TNS3: variants seen among roughly 807,000 people sequenced by gnomAD.
TNS3 encodes tensin-3.
TNS3 carries 45 observed loss-of-function variants against 140.9 expected under a neutral mutation model. That is an observed-to-expected ratio of 0.32 (90% CI 0.25 to 0.41). The LOEUF is 0.41. Ranked by LOEUF, TNS3 falls within the 10% of genes least tolerant of loss-of-function variation. TNS3 has a pLI of 1.00. For synonymous variants in TNS3, 815 were observed against 788.4 expected (o/e 1.03, Z -0.56); for missense variants, 1,716 against 1,906.7 (o/e 0.90, Z 1.86).
chr7:47,571,054 T>A (rs1007763511), intron 1 of TNS3, among the ~76,000 whole-genome samples: 3 of 152,022 alleles, frequency 2.0e-5, no homozygotes, highest in African/African-American at 7.2e-5. Flanking sequence ...GGCCCACAGC[T>A]CCACTCCCTT....
intron 2 of TNS3, among the ~76,000 whole-genome samples, chr7:47,513,438 G>A (rs1236852613): frequency 1.3e-5 from 2 of 152,036 alleles, no homozygotes; most frequent in East Asian, 3.9e-4. Flanking sequence ...CAAAATGCTG[G>A]GATTACAAGC....
chr7:47,393,831 T>G (rs764735380), intron 16 of TNS3, among the ~76,000 whole-genome samples: 2 of 152,128 alleles, frequency 1.3e-5, no homozygotes, highest in Non-Finnish European at 2.9e-5. Flanking sequence ...CTTTCCCGGG[T>G]GTCCTTCCCA....
intron 3 of TNS3, among the ~76,000 whole-genome samples, chr7:47,501,346 C>T (rs1355965241): frequency 6.6e-6 from 1 of 152,198 alleles, no homozygotes; most frequent in Admixed American, 6.5e-5. Flanking sequence ...AAAGCTGACA[C>T]CCCAACCTTA....
At chr7:47,337,009 C>A (rs1400973328) in intron 20 of TNS3, among the ~76,000 whole-genome samples, 1 of 152,094 alleles carries the variant, frequency 6.6e-6, no homozygotes, top group Non-Finnish European at 1.5e-5. Flanking sequence ...TTTCATCCCC[C>A]ACACTTGATA....
In TNS3 at chr7:47,325,140, TC is replaced by T. The variant is rs529441130; in HGVS notation, c.2650+19614del. Among the ~76,000 whole-genome samples, 15 of 152,272 alleles carry T rather than the reference TC, an allele frequency of 9.9e-5. No individual in the cohort carries two copies. In the South Asian group the frequency reaches 1.5e-3, roughly 15 times the overall value. On this transcript the variant is annotated intron_variant, in intron 20 of 30. Transcript: ENST00000311160. Reference sequence around the variant, plus strand: ...CAAAGAGGGGTTCCCAAGACCCACATCTTCCAGAAGCAAGCCTTATCTTTGG... The same window carrying T: ...CAAAGAGGGGTTCCCAAGACCCACATTTCCAGAAGCAAGCCTTATCTTTGG...
At chr7:47,399,972 C>T (rs1209593606) in intron 15 of TNS3, among the ~76,000 whole-genome samples, 1 of 147,682 alleles carries the variant, frequency 6.8e-6, no homozygotes, top group Admixed American at 6.7e-5. Flanking sequence ...CGAACAAATC[C>T]TCAAAAAAAA....
intron 15 of TNS3, among the ~76,000 whole-genome samples, chr7:47,399,986 A>C (rs1174575205): frequency 1.3e-5 from 2 of 152,026 alleles, no homozygotes; most frequent in Admixed American, 6.5e-5. Flanking sequence ...AAAAAAAAAA[A>C]CAAATAATCC....
intron 10 of TNS3, among the ~76,000 whole-genome samples, chr7:47,417,415 G>A (rs1008983033): frequency 7.2e-5 from 11 of 152,340 alleles, no homozygotes; most frequent in South Asian, 2.1e-4. Context: ...GTTTTGCCAC[G>A]AGCTCCCAAA....
At chr7:47,344,889 A>T in intron 19 of TNS3, 35 bp downstream of exon 19, 2 of 1,613,046 alleles carry the variant, frequency 1.2e-6, no homozygotes, top group Non-Finnish European at 1.7e-6. Flanking sequence ...TTGGGCATGG[A>T]GCAGCACATG....
chr7:47,300,329 A>C (rs545579347), intron 23 of TNS3, among the ~76,000 whole-genome samples: 2 of 152,216 alleles, frequency 1.3e-5, no homozygotes, highest in South Asian at 4.1e-4. Context: ...AAAAACCAAC[A>C]CTCGATGCAC....
chr7:47,328,805 G>A (rs997617468), intron 20 of TNS3, among the ~76,000 whole-genome samples: 3 of 152,130 alleles, frequency 2.0e-5, no homozygotes, highest in African/African-American at 4.8e-5. Context: ...GTTTTCTTCC[G>A]GGCCCCAATG....
chr7:47,296,169 G>GAA (rs958533092), intron 24 of TNS3, among the ~76,000 whole-genome samples: 1 of 147,212 alleles, frequency 6.8e-6, no homozygotes, highest in Non-Finnish European at 1.5e-5. Context: ...GGCAGGGGGA[G>GAA]AAAAAAAAAA....
rs547646550 is a variant in TNS3, at chr7:47,506,932, G to A, written c.-140C>T. 78 of 1,288,392 alleles carry A rather than the reference G, an allele frequency of 6.1e-5. No homozygotes were observed. In the African/African-American group the frequency reaches 1.1e-3, roughly 18 times the overall value. 79.8% of individuals were successfully genotyped at this position (1,288,392 alleles called of 1,614,324 possible). ...CTTGGCTTCACATTTCTTGTGGCAG[G>A]AATACTTGCAGGCTGGGAAAAAAAA... On this transcript the variant is annotated 5_prime_UTR_variant, in exon 3 of 31. Transcript: ENST00000311160.
At chr7:47,563,920 G>A (rs1295421268) in intron 1 of TNS3, among the ~76,000 whole-genome samples, 2 of 152,176 alleles carry the variant, frequency 1.3e-5, no homozygotes, top group Admixed American at 6.5e-5. Flanking sequence ...AAGGCCGGGC[G>A]CGGTGGCTCA....
Position 47,439,530 on chromosome 7 carries a change from T to C in TNS3, c.107A>G (p.Glu36Gly), listed in dbSNP as rs760654068. 1.2e-6 allele frequency: 2 copies of C among 1,614,016 alleles called. No individual in the cohort carries two copies. Among genetic ancestry groups the C allele is most frequent in the South Asian group, 2.2e-5 (2 of 91,046 alleles). ...SEESYLHNLQEVTRMLKSKHG... is the reference protein window; with the variant it reads ...SEESYLHNLQGVTRMLKSKHG... ...CTTGGACTTGAGCATGCGCGTGACC[T>C]CCTGTAGGTTGTGCAGGTAGGACTC... Residue 36 changes from glutamate to glycine, a missense_variant, in exon 6 of 31, where the codon GAG (glutamate) becomes GGG (glycine). Transcript: ENST00000311160.
At chr7:47,425,472 C>CT in intron 9 of TNS3, among the ~76,000 whole-genome samples, 1 of 152,094 alleles carries the variant, frequency 6.6e-6, no homozygotes, top group East Asian at 1.9e-4. Context: ...GAAACATACT[C>CT]AAAAGTAAGT....
chr7:47,461,165 A>C (rs994757612), intron 4 of TNS3, among the ~76,000 whole-genome samples: 1 of 152,224 alleles, frequency 6.6e-6, no homozygotes, highest in Non-Finnish European at 1.5e-5. Context: ...TGAGCCCCGC[A>C]TTAAGTGTTG....
chr7:47,507,591 C>T (rs334498), intron 2 of TNS3, among the ~76,000 whole-genome samples: 52,981 of 152,010 alleles, frequency 0.35, 10,720 homozygotes, highest in Non-Finnish European at 0.46. Flanking sequence ...TCCTGTGTCC[C>T]TTCGGAGGCC....
intron 23 of TNS3, among the ~76,000 whole-genome samples, chr7:47,299,192 C>T (rs1162839243): frequency 6.6e-6 from 1 of 152,170 alleles, no homozygotes; most frequent in Non-Finnish European, 1.5e-5. Flanking sequence ...GACTGAAGTA[C>T]AGTGACACAA....
Sources: gnomAD v4.1 joint callset for allele counts (sites outside exome capture counted in the v4.1 genomes callset) on GRCh38, gnomAD v4.1.1 for gene constraint, MANE v1.5 for transcripts, NCBI Gene and HGNC (gene_info 2026-07-23, HGNC 2026-07-21) for gene names.